Variants in AGL observed in about 807,000 individuals in gnomAD.
The protein encoded by AGL is glycogen debranching enzyme.
Under a neutral mutation model 199.3 loss-of-function variants are expected in AGL, and 128 were observed. That is an observed-to-expected ratio of 0.64 (90% CI 0.56 to 0.74). The LOEUF is 0.74. Among genes scored for constraint, AGL ranks in the 30% least tolerant of loss-of-function variants. The pLI, the probability that AGL is intolerant of heterozygous loss-of-function variation, is 0.00. For missense variants in AGL, 1,809 were observed against 1,820.8 expected, an observed-to-expected ratio of 0.99 and a Z score of 0.12; for synonymous variants, 584 against 594.7, an observed-to-expected ratio of 0.98 and a Z score of 0.26.
intron 7 of AGL, 181 bp from the exon 8 acceptor site, chr1:99,874,506 C>G: frequency 1.7e-6 from 1 of 599,542 alleles, no homozygotes; most frequent in Non-Finnish European, 2.9e-6. Flanking sequence ...TGCGCGTGCA[C>G]GCACGTGCAC....
intron 24 of AGL, among the ~76,000 whole-genome samples, 155 bp from the exon 25 acceptor site, chr1:99,896,131 A>G (rs537819345): frequency 6.6e-6 from 1 of 152,382 alleles, no homozygotes; most frequent in East Asian, 1.9e-4. Flanking sequence ...AAGTATAGAC[A>G]TACATTTTGC....
intron 5 of AGL, among the ~76,000 whole-genome samples, chr1:99,868,011 T>C (rs888353589): frequency 4.6e-5 from 7 of 152,218 alleles, no homozygotes; most frequent in Admixed American, 1.3e-4. Context: ...TAAATAAATG[T>C]TTCTTCTTAT....
At chr1:99,866,537 A>C (rs557133471) in intron 5 of AGL, among the ~76,000 whole-genome samples, 1 of 152,204 alleles carries the variant, frequency 6.6e-6, no homozygotes, top group South Asian at 2.1e-4. Context: ...CATCACAGGA[A>C]TTTGTCTCTT....
chr1:99,899,691 G>A (rs940046928), intron 25 of AGL, among the ~76,000 whole-genome samples: 18 of 151,516 alleles, frequency 1.2e-4, no homozygotes, highest in African/African-American at 2.7e-4. Flanking sequence ...CGCAATCTCC[G>A]CTCACTGCAA....
intron 25 of AGL, among the ~76,000 whole-genome samples, chr1:99,898,137 C>T (rs945942044): frequency 1.3e-5 from 2 of 151,744 alleles, no homozygotes; most frequent in Non-Finnish European, 2.9e-5. Flanking sequence ...AGCTCCGCCT[C>T]CCGGGTTCAT....
In AGL at chr1:99,880,624, C is replaced by T. The variant is rs777089414; in HGVS notation, c.1736-8C>T. The T allele has an allele frequency of 6.2e-7, 1 of 1,613,428 alleles. No individual in the cohort carries two copies. Among genetic ancestry groups the T allele is most frequent in the Non-Finnish European group, 8.5e-7 (1 of 1,179,428 alleles). On this transcript the variant is annotated splice_polypyrimidine_tract_variant and splice_region_variant and intron_variant, in intron 13 of 33. Coordinates refer to ENST00000361915, the MANE Select transcript of AGL (RefSeq NM_000642.3). The stretch of plus-strand genomic sequence containing the variant: ...AAGATTGTTAAAATATTCTGTAATG[C>T]TCTGCAGAGGCAATGAGTGCATATA...
At chr1:99,852,432 T>C in intron 2 of AGL, 1 of 484,028 alleles carries the variant, frequency 2.1e-6, no homozygotes, top group Non-Finnish European at 3.7e-6. Context: ...TGTTGTGGCA[T>C]GATCATGGCT....
chr1:99,898,873 A>G (rs1040479102), intron 25 of AGL, among the ~76,000 whole-genome samples: 4 of 152,174 alleles, frequency 2.6e-5, no homozygotes, highest in South Asian at 2.1e-4. Context: ...AGATGGTTCT[A>G]CTTCCTCCCT....
rs1650327719 is a variant in AGL, at chr1:99,864,389, A to G, written c.464A>G (p.Tyr155Cys). The change falls in exon 5 of 34, where the codon TAC (tyrosine) becomes TGC (cysteine). Residue 155 changes from tyrosine (Y) to cysteine (C), a missense_variant. By Grantham distance (194) the Tyr-to-Cys change is radical. Transcript: ENST00000361915. Reference protein sequence around the residue: ...SRLRVAKESGYNMIHFTPLQT... With the variant: ...SRLRVAKESGCNMIHFTPLQT... The stretch of plus-strand genomic sequence containing the variant: ...CTTTCCTTTATTTGCTTTGCAGGCT[A>G]CAACATGATTCATTTTACCCCATTG... The G allele has an allele frequency of 2.5e-6, 4 of 1,613,010 alleles. No individual in the cohort carries two copies. Among genetic ancestry groups the G allele is most frequent in the Non-Finnish European group, 1.7e-6 (2 of 1,179,112 alleles).
intron 12 of AGL, among the ~76,000 whole-genome samples, chr1:99,878,431 TTTA>T (rs1223148368): frequency 1.3e-5 from 2 of 152,044 alleles, no homozygotes; most frequent in South Asian, 4.1e-4. Flanking sequence ...CGATTTAATT[TTTA>T]TTATTTATAA....
chr1:99,893,458 G>A (rs985869259), intron 24 of AGL, among the ~76,000 whole-genome samples: 1 of 152,088 alleles, frequency 6.6e-6, no homozygotes, highest in Non-Finnish European at 1.5e-5. Context: ...CCTGGTACCC[G>A]TTGTTCCCTC....
chr1:99,915,924 G>T (rs1007432202), intron 31 of AGL, among the ~76,000 whole-genome samples: 4 of 152,120 alleles, frequency 2.6e-5, no homozygotes, highest in African/African-American at 9.7e-5. Context: ...TGTATATTCA[G>T]TTGCTATTTG....
At chr1:99,870,166 C>T (rs534718852) in intron 5 of AGL, among the ~76,000 whole-genome samples, 1 of 151,536 alleles carries the variant, frequency 6.6e-6, no homozygotes, top group Non-Finnish European at 1.5e-5. Context: ...TTTGTTTCAT[C>T]GGATTTTCTA....
At position 99,921,836 on chromosome 1, in the gene AGL, G is replaced by C; in HGVS notation, c.*185G>C. On this transcript the variant is annotated 3_prime_UTR_variant, in exon 34 of 34. Coordinates refer to ENST00000361915, the MANE Select transcript of AGL (RefSeq NM_000642.3). ...AATGTACAGAGGTAGATTTCAATTT[G>C]AATCAGAAAGAAATATCATTACCAA... 1 of 407,796 alleles carries C rather than the reference G, an allele frequency of 2.5e-6. No homozygotes were observed. Among genetic ancestry groups the C allele is most frequent in the Non-Finnish European group, 4.3e-6 (1 of 230,180 alleles). 25.3% of individuals were successfully genotyped at this position (407,796 alleles called of 1,614,324 possible). A position where few individuals can be genotyped will look rare whatever the true frequency, so the allele number is the denominator to read the frequency against.
At chr1:99,908,258 C>CA (rs1174202836) in intron 27 of AGL, among the ~76,000 whole-genome samples, 5 of 150,638 alleles carry the variant, frequency 3.3e-5, no homozygotes, top group Admixed American at 6.6e-5. Flanking sequence ...CTCCATTTGC[C>CA]AAAAAAAATA....
chr1:99,914,044 C>T (rs1051342973), intron 30 of AGL, among the ~76,000 whole-genome samples: 8 of 151,942 alleles, frequency 5.3e-5, no homozygotes, highest in Admixed American at 2.0e-4. Context: ...ACACACTTGG[C>T]GGACTGAGGC....
chr1:99,897,493 T>C (rs1653428860), intron 25 of AGL, among the ~76,000 whole-genome samples: 1 of 152,214 alleles, frequency 6.6e-6, no homozygotes, highest in Non-Finnish European at 1.5e-5. Flanking sequence ...CATGCCAAAA[T>C]TTTATTTTTG....
At chr1:99,902,977 G>T (rs1031473689) in intron 27 of AGL, among the ~76,000 whole-genome samples, 183 bp downstream of exon 27, 1 of 152,090 alleles carries the variant, frequency 6.6e-6, no homozygotes, top group Non-Finnish European at 1.5e-5. Flanking sequence ...TATATCTTTT[G>T]TCAGCCAGTT....
At position 99,862,331 on chromosome 1, in the gene AGL, C is replaced by T. The variant is rs138607658; in HGVS notation, c.368C>T (p.Pro123Leu). 3.1e-6 allele frequency: 5 copies of T among 1,613,802 alleles called. No homozygotes were observed. The African/African-American group carries it at 5.3e-5, about 17-fold the overall frequency. ...LRVGADNHVLPLDCVTLQTFL... is the reference protein window; with the variant it reads ...LRVGADNHVLLLDCVTLQTFL... Reference sequence around the variant, plus strand: ...GTTGGTGCTGATAATCATGTGCTACCCTTGGACTGTGTTACTCTTCAGACA... The same window carrying T: ...GTTGGTGCTGATAATCATGTGCTACTCTTGGACTGTGTTACTCTTCAGACA... The change falls in exon 4 of 34, where the codon CCC becomes CTC. Residue 123 changes from proline to leucine, a missense_variant. By Grantham distance (98) the Pro-to-Leu change is moderately conservative (BLOSUM62 -3). Coordinates refer to ENST00000361915, the MANE Select transcript of AGL (RefSeq NM_000642.3).
Sources: allele counts gnomAD v4.1 joint callset (sites outside exome capture counted in the v4.1 genomes callset), GRCh38; gene constraint gnomAD v4.1.1; transcripts MANE v1.5; gene names NCBI Gene and HGNC (gene_info 2026-07-23, HGNC 2026-07-21).